SLAMF6: variants seen among roughly 807,000 people sequenced by gnomAD.
SLAMF6 encodes the protein SLAM family member 6.
Under a neutral mutation model 38.3 loss-of-function variants are expected in SLAMF6, and 21 were observed. The observed-to-expected ratio is 0.55, with a 90% CI of 0.39 to 0.79. SLAMF6 has a LOEUF of 0.79. Among genes scored for constraint, SLAMF6 ranks in the 30% least tolerant of loss-of-function variants. The pLI, the probability that SLAMF6 is intolerant of heterozygous loss-of-function variation, is 0.00. For synonymous variants in SLAMF6, 152 were observed against 146.3 expected (o/e 1.04, Z -0.28); for missense variants, 341 against 385.3 (o/e 0.89, Z 0.96).
At chr1:160,488,906 C>A (rs1653114105) in intron 6 of SLAMF6, among the ~76,000 whole-genome samples, 182 bp downstream of exon 6, 1 of 152,082 alleles carries the variant, frequency 6.6e-6, no homozygotes, top group Non-Finnish European at 1.5e-5. Flanking sequence ...ATAAACATTC[C>A]CTTAAGGGTG....
intron 1 of SLAMF6, among the ~76,000 whole-genome samples, chr1:160,520,628 C>T (rs909665607): frequency 5.9e-5 from 9 of 152,096 alleles, no homozygotes; most frequent in Admixed American, 5.9e-4. Flanking sequence ...ATTTTATTTA[C>T]AATTATTGTT....
rs771316124 is a variant in SLAMF6, at chr1:160,495,749, T to A, written c.382+312A>T. ...TCATGGAGTCTTTGTGAGAATTACA[T>A]GGCAAATACATGTAGTGCACAAGGC... is the stretch of plus-strand genomic sequence containing the variant. On this transcript the variant is annotated intron_variant, in intron 2 of 7. Coordinates refer to ENST00000368057, the MANE Select transcript of SLAMF6 (RefSeq NM_001184714.2). Among the ~76,000 whole-genome samples the A allele has an allele frequency of 6.8e-4, 103 of 152,360 alleles. No homozygotes were observed. In the Middle Eastern group the frequency reaches 0.01, roughly 15 times the overall value.
Position 160,491,310 on chromosome 1 carries a change from G to C in SLAMF6, c.461C>G (p.Ser154Cys). ...NMTCELHLTC[S>C]VEDADDNVSF... ...GACATTGTCATCTGCATCCTCCACA[G>C]AGCAAGTCAGATGGAGCTCACAGGT... Residue 154 changes from serine (S) to cysteine (C), a missense_variant, in exon 3 of 8, where the codon TCT (serine) becomes TGT (cysteine). By Grantham distance (112) the Ser-to-Cys change is moderately radical. Coordinates refer to ENST00000368057, the MANE Select transcript of SLAMF6 (RefSeq NM_001184714.2). The C allele has an allele frequency of 2.5e-6, 4 of 1,613,962 alleles. No homozygotes were observed. The highest frequency in any genetic ancestry group is 1.3e-5 in the African/African-American group (1 of 74,990).
intron 1 of SLAMF6, among the ~76,000 whole-genome samples, chr1:160,500,945 T>C (rs1653855615): frequency 6.6e-6 from 1 of 152,156 alleles, no homozygotes. Flanking sequence ...ATAATTAGTT[T>C]ATGTAACAAG....
At chr1:160,492,605 G>A (rs764526203) in intron 2 of SLAMF6, among the ~76,000 whole-genome samples, 1 of 152,024 alleles carries the variant, frequency 6.6e-6, no homozygotes. Context: ...AATCCATCTT[G>A]TTACCTTTTT....
intron 2 of SLAMF6, 53 bp downstream of exon 2, chr1:160,496,008 A>G (rs111474796): frequency 4.0e-6 from 6 of 1,487,286 alleles, no homozygotes; most frequent in Non-Finnish European, 5.6e-6. Flanking sequence ...TAGGATTGGA[A>G]TACATGTATA....
chr1:160,487,854 A>C (rs1276413688), intron 6 of SLAMF6, among the ~76,000 whole-genome samples: 2 of 152,146 alleles, frequency 1.3e-5, no homozygotes, highest in Non-Finnish European at 2.9e-5. Flanking sequence ...CTTTGGGAGG[A>C]CGAGGCAGGC....
At chr1:160,511,494 G>T (rs904810201) in intron 1 of SLAMF6, among the ~76,000 whole-genome samples, 1 of 152,170 alleles carries the variant, frequency 6.6e-6, no homozygotes, top group African/African-American at 2.4e-5. Flanking sequence ...TTTAACAAAT[G>T]GTGCTGGGAC....
In SLAMF6 at chr1:160,496,375, C is replaced by A; in HGVS notation, c.68G>T (p.Ser23Ile). Residue 23 changes from serine to isoleucine, a missense_variant, in exon 2 of 8, where the codon AGC (serine) becomes ATC (isoleucine). By Grantham distance (142) the Ser-to-Ile change is moderately radical (BLOSUM62 -2). Coordinates refer to ENST00000368057, the MANE Select transcript of SLAMF6 (RefSeq NM_001184714.2). ...GTTCACCATCAATGGGGTTAAGCTG[C>A]TTTGTGAAACTACATTCCCTGTAAA... ...CFGPGNVVSQ[S>I]SLTPLMVNGI... 1 of 1,613,064 alleles carries A rather than the reference C, an allele frequency of 6.2e-7. No homozygotes were observed.
chr1:160,522,162 T>G (rs12025833), intron 1 of SLAMF6, among the ~76,000 whole-genome samples: 7,222 of 152,298 alleles, frequency 0.047, 362 homozygotes, highest in African/African-American at 0.12. Context: ...AACTGTTATT[T>G]TTTCTCATAA....
At chr1:160,506,808 T>C (rs1654210947) in intron 1 of SLAMF6, among the ~76,000 whole-genome samples, 1 of 152,190 alleles carries the variant, frequency 6.6e-6, no homozygotes. Flanking sequence ...TGTATATTAT[T>C]GAAGCTAAGG....
At chr1:160,520,928 T>G (rs1004184550) in intron 1 of SLAMF6, among the ~76,000 whole-genome samples, 4 of 152,198 alleles carry the variant, frequency 2.6e-5, no homozygotes, top group African/African-American at 9.7e-5. Flanking sequence ...AAAATCTTCT[T>G]CATTTGACTT....
rs1258458075 is a variant in SLAMF6, at chr1:160,486,550, G to T, written c.*157C>A. The stretch of plus-strand genomic sequence containing the variant: ...ATCCTTAGGTGTTTGACTCAGGTAG[G>T]CAGGTTTAAGTCCGAAGGACTGGAG... On this transcript the variant is annotated 3_prime_UTR_variant, in exon 8 of 8. Coordinates refer to ENST00000368057, the MANE Select transcript of SLAMF6 (RefSeq NM_001184714.2). 3.0e-6 allele frequency: 2 copies of T among 660,942 alleles called. No individual in the cohort carries two copies. Among genetic ancestry groups the T allele is most frequent in the Non-Finnish European group, 5.2e-6 (2 of 384,182 alleles). 40.9% of individuals were successfully genotyped at this position (660,942 alleles called of 1,614,324 possible).
chr1:160,494,354 T>C (rs537722156), intron 2 of SLAMF6, among the ~76,000 whole-genome samples: 1 of 152,160 alleles, frequency 6.6e-6, no homozygotes. Flanking sequence ...TCTCAGCAAA[T>C]GTGATGAAGC....
chr1:160,501,698 C>CTTT (rs11324483), intron 1 of SLAMF6, among the ~76,000 whole-genome samples: 2,333 of 138,624 alleles, frequency 0.017, 37 homozygotes, highest in African/African-American at 0.039. Flanking sequence ...TAATGCCTTG[C>CTTT]TTTTTTTTTT....
At chr1:160,494,467 T>A (rs1653461835) in intron 2 of SLAMF6, among the ~76,000 whole-genome samples, 1 of 152,102 alleles carries the variant, frequency 6.6e-6, no homozygotes, top group Admixed American at 6.5e-5. Context: ...CTGCCTGTAG[T>A]GGGTTGAATA....
chr1:160,519,531 G>T (rs1245271927), intron 1 of SLAMF6, among the ~76,000 whole-genome samples: 5 of 152,044 alleles, frequency 3.3e-5, no homozygotes, highest in Non-Finnish European at 5.9e-5. Flanking sequence ...GAGCCAAAAG[G>T]CAAAAACAAC....
rs762067823 is a variant in SLAMF6 at position 160,489,075 on chromosome 1, T to C, written c.879+13A>G. On this transcript the variant is annotated intron_variant, in intron 6 of 7. Coordinates refer to ENST00000368057, the MANE Select transcript of SLAMF6 (RefSeq NM_001184714.2). ...AACTGACAACAATGGCATATAAAGCTGAAAAGACTCACCCTGTTTGAATGA... is the reference window on the plus strand; with the variant it reads ...AACTGACAACAATGGCATATAAAGCCGAAAAGACTCACCCTGTTTGAATGA... 1 of 1,607,078 alleles carries C rather than the reference T, an allele frequency of 6.2e-7. No homozygotes were observed. The highest frequency in any genetic ancestry group is 1.1e-5 in the South Asian group (1 of 90,888).
At chr1:160,519,261 C>A (rs372257061) in intron 1 of SLAMF6, among the ~76,000 whole-genome samples, 13 of 152,110 alleles carry the variant, frequency 8.5e-5, no homozygotes, top group African/African-American at 1.7e-4. Flanking sequence ...CAATAATATA[C>A]CACTTCACAC....
Sources: allele counts gnomAD v4.1 joint callset (sites outside exome capture counted in the v4.1 genomes callset), GRCh38; gene constraint gnomAD v4.1.1; transcripts MANE v1.5; gene names NCBI Gene and HGNC (gene_info 2026-07-23, HGNC 2026-07-21).